LGR6: variants seen among roughly 807,000 people sequenced by gnomAD.
LGR6 encodes leucine-rich repeat-containing G protein-coupled receptor 6.
A neutral mutation model predicts 69.4 loss-of-function variants in LGR6; 45 were observed. The ratio of observed to expected loss-of-function variants is 0.65; its 90% CI spans 0.51 to 0.83. The LOEUF (loss-of-function observed/expected upper bound fraction) is 0.83. Ranked by LOEUF, LGR6 falls within the 40% of genes least tolerant of loss-of-function variation. The pLI, the probability that LGR6 is intolerant of heterozygous loss-of-function variation, is 0.00. For synonymous variants in LGR6, 538 were observed against 555.0 expected (o/e 0.97, Z 0.43); for missense variants, 1,108 against 1,246.7 (o/e 0.89, Z 1.68).
At position 202,268,988 on chromosome 1, in the gene LGR6, C is replaced by T. The variant is rs1177344995; in HGVS notation, c.429-7318C>T. Among the ~76,000 whole-genome samples, 1 of 152,124 alleles carries T rather than the reference C, an allele frequency of 6.6e-6. No individual in the cohort carries two copies. Among genetic ancestry groups the T allele is most frequent in the East Asian group, 1.9e-4 (1 of 5,202 alleles). On this transcript the variant is annotated intron_variant, in intron 4 of 17. Transcript: ENST00000367278. This position sits in a 1 kb window ranked among gnomAD's most constrained non-coding sequence, Gnocchi z 4.4. Reference sequence around the variant, plus strand: ...TGGTGTGAACACAGCTCACTGCAGCCTCGACTTCTGGGATCAAAAGATCCT... The same window carrying T: ...TGGTGTGAACACAGCTCACTGCAGCTTCGACTTCTGGGATCAAAAGATCCT...
At chr1:202,199,665 C>A (rs1397317839) in intron 1 of LGR6, among the ~76,000 whole-genome samples, 2 of 151,904 alleles carry the variant, frequency 1.3e-5, no homozygotes, top group Non-Finnish European at 2.9e-5. Context: ...CCCACGCCCC[C>A]CGGGGGAGAG....
intron 16 of LGR6, 102 bp from the exon 17 acceptor site, chr1:202,314,700 G>C (rs1403189184): frequency 2.5e-6 from 2 of 812,728 alleles, no homozygotes; most frequent in African/African-American, 1.7e-5. Context: ...GTGCTGAGCA[G>C]AGTTAGTAAG....
rs540418561 is a variant in LGR6 at position 202,276,967 on chromosome 1, A to G, written c.644+446A>G. The stretch of plus-strand genomic sequence containing the variant: ...AGGCCTTAAGAAGCAGAGAAAAGTC[A>G]TCACTTATAATTAGACAGCAAAGCC... On this transcript the variant is annotated intron_variant, in intron 5 of 17. Transcript: ENST00000367278. 3.3e-5 allele frequency among the ~76,000 whole-genome samples: 5 copies of G among 152,324 alleles called. No individual in the cohort carries two copies. In the South Asian group the frequency reaches 1.0e-3, roughly 32 times the overall value.
rs778622891 is a variant in LGR6 at position 202,307,478 on chromosome 1, G to A, written c.1280+77G>A. The A allele has an allele frequency of 3.4e-4, 428 of 1,252,872 alleles. 1 individual carries two copies. Among genetic ancestry groups the A allele is most frequent in the Non-Finnish European group, 4.3e-4 (367 of 851,146 alleles). 77.6% of individuals were successfully genotyped at this position (1,252,872 alleles called of 1,614,324 possible). ...TGGGCTGGCCAATGGAGGCAGAAGGGCCACCCCAGAGCAGGAACATGCATA... is the reference window on the plus strand; with the variant it reads ...TGGGCTGGCCAATGGAGGCAGAAGGACCACCCCAGAGCAGGAACATGCATA... On this transcript the variant is annotated intron_variant, in intron 14 of 17. Transcript: ENST00000367278.
chr1:202,239,364 T>TGTG (rs1250262427), intron 4 of LGR6, among the ~76,000 whole-genome samples: 1 of 150,792 alleles, frequency 6.6e-6, no homozygotes, highest in East Asian at 1.9e-4. Context: ...TGTGTGTGTG[T>TGTG]GTGTGTGTGT....
intron 4 of LGR6, among the ~76,000 whole-genome samples, chr1:202,240,374 A>AG (rs1458030576): frequency 3.5e-4 from 52 of 149,132 alleles, no homozygotes; most frequent in Non-Finnish European, 7.3e-4. Flanking sequence ...ACTCCATCTC[A>AG]GAAAAAAAAA....
intron 11 of LGR6, 53 bp from the exon 12 acceptor site, chr1:202,305,631 G>A: frequency 6.6e-7 from 1 of 1,509,048 alleles, no homozygotes; most frequent in Non-Finnish European, 9.2e-7. Context: ...TCCCCGAGCA[G>A]CCCTCAGATA....
At position 202,227,937 on chromosome 1, in the gene LGR6, C is replaced by A; in HGVS notation, c.286C>A (p.Arg96Ser). Residue 96 changes from arginine to serine, a missense_variant and splice_region_variant, in exon 3 of 18, where the codon CGT becomes AGT. By Grantham distance (110) the Arg-to-Ser change is moderately radical. Coordinates refer to ENST00000367278, the MANE Select transcript of LGR6 (RefSeq NM_001017403.2). ...FHHLRFLEEL[R>S]LSGNHLSHIP... ...CTGACCCTTGTCTCTGATTTCCAGGCGTCTCTCTGGGAACCATCTCTCACA... is the reference window on the plus strand; with the variant it reads ...CTGACCCTTGTCTCTGATTTCCAGGAGTCTCTCTGGGAACCATCTCTCACA... 1.2e-6 allele frequency: 2 copies of A among 1,612,692 alleles called. No individual in the cohort carries two copies. The highest frequency in any genetic ancestry group is 8.5e-7 in the Non-Finnish European group (1 of 1,178,730).
At chr1:202,307,011 TA>T in intron 13 of LGR6, 72 bp downstream of exon 13, 1 of 1,318,826 alleles carries the variant, frequency 7.6e-7, no homozygotes, top group South Asian at 1.2e-5. Flanking sequence ...CTCATTGTCA[TA>T]GCACATGTGT....
rs761859678 is a variant in LGR6 at position 202,319,134 on chromosome 1, C to T, written c.2831C>T (p.Thr944Met). ...GELLLRAEGS[T>M]PAGGGLSGGG... ...CTGCTGCTGAGGGCAGAGGGATCTA[C>T]GCCAGCAGGTGGAGGCTTGTCAGGG... The change falls in exon 18 of 18, where the codon ACG (threonine) becomes ATG (methionine). Residue 944 changes from threonine (T) to methionine (M), a missense_variant. Transcript: ENST00000367278. 57 of 1,614,138 alleles carry T rather than the reference C, an allele frequency of 3.5e-5. 2 individuals carry two copies. Among genetic ancestry groups the T allele is most frequent in the South Asian group, 5.5e-5 (5 of 91,086 alleles).
chr1:202,305,678 C>A lies in LGR6; in HGVS notation c.1071-6C>A, dbSNP rs1278880470. On this transcript the variant is annotated splice_region_variant and splice_polypyrimidine_tract_variant and intron_variant, in intron 11 of 17. Transcript: ENST00000367278. Reference sequence around the variant, plus strand: ...ACCCCAGCCCTGGCCTTTCTCTTTTCCCCAGGGAACTGTCTCACAATCAAA... The same window carrying A: ...ACCCCAGCCCTGGCCTTTCTCTTTTACCCAGGGAACTGTCTCACAATCAAA... The A allele has an allele frequency of 6.2e-7, 1 of 1,613,274 alleles. No individual in the cohort carries two copies. The highest frequency in any genetic ancestry group is 1.7e-5 in the Admixed American group (1 of 60,008).
chr1:202,250,875 G>A (rs988053023), intron 4 of LGR6, among the ~76,000 whole-genome samples: 12 of 152,324 alleles, frequency 7.9e-5, no homozygotes, highest in African/African-American at 2.9e-4. Flanking sequence ...TCTGGAGCTT[G>A]AATTTAAACT....
Position 202,194,224 on chromosome 1 carries a change from C to G in LGR6, c.212+23C>G, listed in dbSNP as rs771727337. ...CCTGTGAGTACTGCCCGCCTGTCCCCGCCTGGTCCTGCGGGCTGCTGGCTA... is the reference window on the plus strand; with the variant it reads ...CCTGTGAGTACTGCCCGCCTGTCCCGGCCTGGTCCTGCGGGCTGCTGGCTA... On this transcript the variant is annotated intron_variant, in intron 1 of 17. Coordinates refer to ENST00000367278, the MANE Select transcript of LGR6 (RefSeq NM_001017403.2). 2.6e-6 allele frequency: 4 copies of G among 1,518,300 alleles called. No homozygotes were observed. In the East Asian group the frequency reaches 7.5e-5, roughly 28 times the overall value. 94.1% of individuals were successfully genotyped at this position (1,518,300 alleles called of 1,614,324 possible).
chr1:202,312,954 C>G (rs922888921), intron 16 of LGR6, among the ~76,000 whole-genome samples: 1 of 152,124 alleles, frequency 6.6e-6, no homozygotes, highest in Non-Finnish European at 1.5e-5. Context: ...TAAGGCCGGG[C>G]ACGGTGGCTC....
intron 8 of LGR6, 97 bp downstream of exon 8, chr1:202,301,017 A>G (rs1223710415): frequency 9.1e-6 from 12 of 1,317,728 alleles, no homozygotes; most frequent in Non-Finnish European, 1.2e-5. Flanking sequence ...AGGAAGCACC[A>G]GGGAGGCAGA....
intron 1 of LGR6, among the ~76,000 whole-genome samples, chr1:202,211,652 C>T (rs1402941921): frequency 1.3e-5 from 2 of 152,196 alleles, no homozygotes; most frequent in Non-Finnish European, 2.9e-5. Context: ...TGAGCCACTG[C>T]GCCTGGCCCA....
intron 4 of LGR6, among the ~76,000 whole-genome samples, chr1:202,274,137 G>A (rs148581794): frequency 2.7e-3 from 412 of 152,266 alleles, no homozygotes; most frequent in Non-Finnish European, 4.3e-3. Context: ...CAGGATCCTC[G>A]ACCATCCCTG....
At chr1:202,286,830 C>T (rs760072682) in intron 6 of LGR6, among the ~76,000 whole-genome samples, 90 of 152,208 alleles carry the variant, frequency 5.9e-4, no homozygotes, top group Non-Finnish European at 1.1e-3. Context: ...GTTCTGTGAC[C>T]GTGACGAGTT....
At chr1:202,206,852 C>T (rs535287356) in intron 1 of LGR6, among the ~76,000 whole-genome samples, 7 of 151,186 alleles carry the variant, frequency 4.6e-5, no homozygotes, top group Admixed American at 4.0e-4. Flanking sequence ...TTACAAGGGG[C>T]CCCACATTTT....
Sources: gnomAD v4.1 joint callset for allele counts (sites outside exome capture counted in the v4.1 genomes callset) on GRCh38, gnomAD v4.1.1 for gene constraint, Gnocchi (gnomAD v3.1) non-coding constraint, MANE v1.5 for transcripts, NCBI Gene and HGNC (gene_info 2026-07-23, HGNC 2026-07-21) for gene names.